Variants in NTN1 observed in about 807,000 individuals in gnomAD.
NTN1 encodes netrin 1.
In NTN1, 11 loss-of-function variants were observed where a neutral mutation model predicts 54.2. That is an observed-to-expected ratio of 0.20 (90% CI 0.13 to 0.34). The LOEUF (loss-of-function observed/expected upper bound fraction) is 0.34, where lower values mean the gene tolerates loss of function less well. Among genes scored for constraint, NTN1 ranks in the 10% least tolerant of loss-of-function variants. The pLI is 1.00. For missense variants in NTN1, 740 were observed against 893.1 expected (o/e 0.83, Z 2.18); for synonymous variants, 371 against 382.0 (o/e 0.97, Z 0.33).
intron 2 of NTN1, among the ~76,000 whole-genome samples, chr17:9,076,538 A>T (rs369581482): frequency 1.3e-5 from 2 of 151,984 alleles, no homozygotes; most frequent in African/African-American, 4.8e-5. Context: ...ATGCTCAGTG[A>T]ATTTTTCAAA....
At chr17:9,228,126 C>CA (rs1209204375) in intron 6 of NTN1, among the ~76,000 whole-genome samples, 1 of 152,138 alleles carries the variant, frequency 6.6e-6, no homozygotes, top group East Asian at 1.9e-4. Context: ...GACATACAGA[C>CA]AAGGGCCACA....
rs562612262 is a variant in NTN1 at position 9,066,555 on chromosome 17, G to A, written c.1018+43164G>A. Among the ~76,000 whole-genome samples, 41 of 152,270 alleles carry A rather than the reference G, an allele frequency of 2.7e-4. 1 individual carries two copies. The highest frequency in any genetic ancestry group is 9.9e-4 in the African/African-American group (41 of 41,546). ...AGGCAGGAGAATCGCTTGAATCTTG[G>A]GGGCAGAGGTTGCAGTGAGCTGAGA... On this transcript the variant is annotated intron_variant, in intron 2 of 6. Coordinates refer to ENST00000173229, the MANE Select transcript of NTN1 (RefSeq NM_004822.3).
chr17:9,179,529 C>T (rs1486184017), intron 3 of NTN1, among the ~76,000 whole-genome samples: 1 of 152,250 alleles, frequency 6.6e-6, no homozygotes, highest in East Asian at 1.9e-4. Context: ...TGAAAGCCTT[C>T]CTCCTGGGCT....
At chr17:9,061,612 T>C (rs1386948580) in intron 2 of NTN1, among the ~76,000 whole-genome samples, 2 of 152,220 alleles carry the variant, frequency 1.3e-5, no homozygotes, top group African/African-American at 4.8e-5. Context: ...GGTGTTGATA[T>C]TGCTAGTCTG....
At chr17:9,125,230 T>C (rs2092243052) in intron 2 of NTN1, among the ~76,000 whole-genome samples, 1 of 99,080 alleles carries the variant, frequency 1.0e-5, no homozygotes, top group South Asian at 3.2e-4. Flanking sequence ...TTTGGCTAAT[T>C]TTTTTTTTTT....
At chr17:9,238,889 G>A (rs7219272) in intron 6 of NTN1, among the ~76,000 whole-genome samples, 76,738 of 152,094 alleles carry the variant, frequency 0.5, 20,634 homozygotes, top group Non-Finnish European at 0.62. Flanking sequence ...GCTCTGGGGC[G>A]GGGCCCAGCA....
In NTN1 at chr17:9,183,673, C is replaced by T. The variant is rs535264709; in HGVS notation, c.1411+704C>T. 6.4e-5 allele frequency: 13 copies of T among 201,808 alleles called. No homozygotes were observed. In the East Asian group the frequency reaches 1.1e-3, roughly 18 times the overall value. The allele number at this position is 201,808 out of a possible 1,614,324, so 12.5% of individuals were successfully genotyped here. The stretch of plus-strand genomic sequence containing the variant: ...TAAAGAAGCACTCGCGTAACGTAAC[C>T]ATACCATCAATCTGGGTCTTTAAAG... On this transcript the variant is annotated intron_variant, in intron 5 of 6. Transcript: ENST00000173229.
chr17:9,076,092 G>A (rs1348091342), intron 2 of NTN1, among the ~76,000 whole-genome samples: 1 of 152,210 alleles, frequency 6.6e-6, no homozygotes, highest in African/African-American at 2.4e-5. Context: ...AGCTGACTGT[G>A]CTCATGAGAG....
intron 2 of NTN1, among the ~76,000 whole-genome samples, chr17:9,094,983 C>G (rs1458885039): frequency 1.1e-5 from 1 of 93,412 alleles, no homozygotes; most frequent in Non-Finnish European, 2.0e-5. Flanking sequence ...AGCGAGACTC[C>G]GTCTCAAAAA....
intron 2 of NTN1, among the ~76,000 whole-genome samples, chr17:9,147,727 A>G (rs1390024409): frequency 6.6e-6 from 1 of 152,050 alleles, no homozygotes; most frequent in Non-Finnish European, 1.5e-5. Flanking sequence ...GGGGTGGCCC[A>G]TTCTAGCTCC....
intron 6 of NTN1, among the ~76,000 whole-genome samples, chr17:9,226,085 G>C (rs949771471): frequency 4.8e-5 from 7 of 147,074 alleles, no homozygotes; most frequent in Admixed American, 4.2e-4. Flanking sequence ...GTGTTCTCTC[G>C]GGCACACGCT....
chr17:9,197,650 A>C (rs1597532858), intron 5 of NTN1, among the ~76,000 whole-genome samples: 3 of 141,554 alleles, frequency 2.1e-5, no homozygotes, highest in Admixed American at 7.2e-5. Context: ...ACAGAGCAAG[A>C]CTCTGTCCAA....
intron 5 of NTN1, among the ~76,000 whole-genome samples, chr17:9,208,746 T>A (rs1567739235): frequency 1.3e-5 from 2 of 151,926 alleles, no homozygotes; most frequent in Middle Eastern, 6.8e-3. Flanking sequence ...AGGGGAGGAG[T>A]AGACGCCCCC....
rs1411644002 is a variant in NTN1 at position 9,211,172 on chromosome 17, T to C, written c.1412-9996T>C. On this transcript the variant is annotated intron_variant, in intron 5 of 6. Coordinates refer to ENST00000173229, the MANE Select transcript of NTN1 (RefSeq NM_004822.3). The surrounding 1 kb of genome is among the most constrained non-coding windows in gnomAD (Gnocchi z 4.4). ...GCAAACTGTAAGCCTCATCTCTGGCTGTGCAAACCCCAGCTTTTGCCAGCT... is the reference window on the plus strand; with the variant it reads ...GCAAACTGTAAGCCTCATCTCTGGCCGTGCAAACCCCAGCTTTTGCCAGCT... Among the ~76,000 whole-genome samples, 2 of 152,186 alleles carry C rather than the reference T, an allele frequency of 1.3e-5. No individual in the cohort carries two copies. Among genetic ancestry groups the C allele is most frequent in the Non-Finnish European group, 2.9e-5 (2 of 68,040 alleles).
At chr17:9,234,358 T>C (rs1597553701) in intron 6 of NTN1, among the ~76,000 whole-genome samples, 1 of 151,400 alleles carries the variant, frequency 6.6e-6, no homozygotes, top group South Asian at 2.1e-4. Context: ...GAAAGGAGGG[T>C]TTACTGCACA....
intron 2 of NTN1, among the ~76,000 whole-genome samples, chr17:9,035,987 A>C (rs2091902195): frequency 6.6e-6 from 1 of 152,144 alleles, no homozygotes; most frequent in African/African-American, 2.4e-5. Context: ...GTGCCACTGC[A>C]CTCCAGCCTG....
At chr17:9,091,704 C>T (rs1377629117) in intron 2 of NTN1, among the ~76,000 whole-genome samples, 3 of 151,868 alleles carry the variant, frequency 2.0e-5, no homozygotes, top group African/African-American at 7.3e-5. Context: ...CTGCCTGCCT[C>T]GGCCTCCCAG....
At chr17:9,235,606 CCAAGAT>C (rs1299021964) in intron 6 of NTN1, among the ~76,000 whole-genome samples, 1 of 152,168 alleles carries the variant, frequency 6.6e-6, no homozygotes, top group African/African-American at 2.4e-5. Context: ...GCTGCGAAGT[CCAAGAT>C]CAAGGTGCCA....
At chr17:9,091,837 TC>T (rs1189139590) in intron 2 of NTN1, among the ~76,000 whole-genome samples, 1 of 152,086 alleles carries the variant, frequency 6.6e-6, no homozygotes, top group Non-Finnish European at 1.5e-5. Context: ...TTTTTCAACT[TC>T]CTAAATTGAA....
Sources: allele counts gnomAD v4.1 joint callset (sites outside exome capture counted in the v4.1 genomes callset), GRCh38; gene constraint gnomAD v4.1.1; non-coding constraint Gnocchi (gnomAD v3.1); transcripts MANE v1.5; gene names NCBI Gene and HGNC (gene_info 2026-07-23, HGNC 2026-07-21).